The following BBS1 variants were observed in gnomAD, a reference collection of about 807,000 sequenced individuals.
The protein encoded by BBS1 is Bardet-Biedl syndrome 1, also known as BBSome complex member BBS1.
In BBS1, 60 loss-of-function variants were observed where a neutral mutation model predicts 73.9. That is an observed-to-expected ratio of 0.81 (90% confidence interval 0.66 to 1.01). BBS1 has a LOEUF of 1.01. Ranked by LOEUF, BBS1 falls within the 50% of genes least tolerant of loss-of-function variation. The pLI is 0.00. For missense variants in BBS1, 718 were observed against 770.3 expected (o/e 0.93, Z 0.80); for synonymous variants, 283 against 317.4 (o/e 0.89, Z 1.15).
chr11:66,523,007 G>C (rs982959072), intron 9 of BBS1: 4 of 385,422 alleles, frequency 1.0e-5, no homozygotes, highest in African/African-American at 6.3e-5. Flanking sequence ...GGAACTAACT[G>C]TACTTTCTGG....
chr11:66,529,009 T>G (rs2134825838), intron 13 of BBS1: 1 of 885,576 alleles, frequency 1.1e-6, no homozygotes, highest in African/African-American at 1.8e-5. Flanking sequence ...TCAGACCTTT[T>G]CTTCATACCA....
chr11:66,524,939 G>A (rs1488387437), intron 11 of BBS1, among the ~76,000 whole-genome samples: 3 of 152,052 alleles, frequency 2.0e-5, no homozygotes, highest in Admixed American at 6.6e-5. Context: ...GGTGGCTCAC[G>A]TCTGTAATCC....
rs1228689951 is a variant in BBS1 at position 66,530,937 on chromosome 11, A to G, written c.1517A>G (p.Gln506Arg). Residue 506 changes from glutamine (Q) to arginine (R), a missense_variant, in exon 15 of 17, where the codon CAG becomes CGG. Gln to Arg is a conservative substitution (Grantham distance 43). Transcript: ENST00000318312. ...ACCTTTAAGCTCACACTTCACCTGC[A>G]GAACACCTCAACAACCCGTCCTGTC... ...GPTFKLTLHL[Q>R]NTSTTRPVLG... The G allele has an allele frequency of 6.2e-7, 1 of 1,614,220 alleles. No individual in the cohort carries two copies. The highest frequency in any genetic ancestry group is 2.2e-5 in the East Asian group (1 of 44,876).
At chr11:66,530,315 C>T (rs987790918) in intron 14 of BBS1, among the ~76,000 whole-genome samples, 3 of 152,148 alleles carry the variant, frequency 2.0e-5, no homozygotes, top group South Asian at 2.1e-4. Context: ...GGCAGCCCAA[C>T]GTGTTAGGAC....
At chr11:66,510,871 C>G (rs931729985) in intron 1 of BBS1, 142 bp from the exon 2 acceptor site, 10 of 1,367,114 alleles carry the variant, frequency 7.3e-6, no homozygotes, top group Non-Finnish European at 9.4e-6. Flanking sequence ...CTGGAGGTCG[C>G]TCGGTGAGCC....
chr11:66,522,081 G>C (rs1590763870), intron 9 of BBS1, among the ~76,000 whole-genome samples: 2 of 151,072 alleles, frequency 1.3e-5, no homozygotes, highest in South Asian at 4.2e-4. Flanking sequence ...GCTGGGCATG[G>C]TGGTGGGCGC....
chr11:66,513,886 G>C (rs376821853), intron 3 of BBS1, among the ~76,000 whole-genome samples: 3 of 152,262 alleles, frequency 2.0e-5, no homozygotes, highest in African/African-American at 7.2e-5. Context: ...AAATGGGCTT[G>C]TGTGGCAGCT....
In BBS1 at chr11:66,510,665, C is replaced by A. The variant is rs143592479; in HGVS notation, c.6C>A (p.Ala2=). 9 of 1,614,164 alleles carry A rather than the reference C, an allele frequency of 5.6e-6. No individual in the cohort carries two copies. The highest frequency in any genetic ancestry group is 1.7e-4 in the Middle Eastern group (1 of 6,058). M[A]AASSSDSDAC... ...CCAGGACGACGCCTGCGAAGATGGC[C>A]GCTGCGTCCTCATCGGATTCCGACG... The change falls in exon 1 of 17, where the codon GCC becomes GCA. Residue 2 remains alanine, a synonymous_variant. Coordinates refer to ENST00000318312, the MANE Select transcript of BBS1 (RefSeq NM_024649.5).
At chr11:66,511,548 AG>A (rs1211633567) in intron 3 of BBS1, among the ~76,000 whole-genome samples, 1 of 152,068 alleles carries the variant, frequency 6.6e-6, no homozygotes, top group Non-Finnish European at 1.5e-5. Context: ...TAGAATCTGG[AG>A]GGAAAGTAAA....
chr11:66,510,867 G>T, intron 1 of BBS1, 146 bp from the exon 2 acceptor site: 1 of 1,359,810 alleles, frequency 7.4e-7, no homozygotes, highest in Non-Finnish European at 1.1e-6. Flanking sequence ...GTGTCTGGAG[G>T]TCGCTCGGTG....
rs1855917352 is a variant in BBS1, at chr11:66,510,635, G to C, written c.-25G>C. 2 of 1,613,910 alleles carry C rather than the reference G, an allele frequency of 1.2e-6. No individual in the cohort carries two copies. The highest frequency in any genetic ancestry group is 1.7e-6 in the Non-Finnish European group (2 of 1,179,994). Reference sequence around the variant, plus strand: ...TTGGGCGTTACGCGAGGGCGGGGCCGGTTGCCAGGACGACGCCTGCGAAGA... The same window carrying C: ...TTGGGCGTTACGCGAGGGCGGGGCCCGTTGCCAGGACGACGCCTGCGAAGA... On this transcript the variant is annotated 5_prime_UTR_variant, in exon 1 of 17. Coordinates refer to ENST00000318312, the MANE Select transcript of BBS1 (RefSeq NM_024649.5).
Position 66,530,886 on chromosome 11 carries a change from C to T in BBS1, c.1474-8C>T, listed in dbSNP as rs398124402. ...CCTAAGGGCTTTCTCCACCCACCCT[C>T]TCCATAGGTTCAGGGCCTTGGCCCC... On this transcript the variant is annotated splice_region_variant and splice_polypyrimidine_tract_variant and intron_variant, in intron 14 of 16. Transcript: ENST00000318312. 36 of 1,614,118 alleles carry T rather than the reference C, an allele frequency of 2.2e-5. No homozygotes were observed. The Admixed American group carries it at 5.0e-4, about 22-fold the overall frequency.
chr11:66,524,036 T>G, intron 11 of BBS1, 154 bp downstream of exon 11: 3 of 1,146,990 alleles, frequency 2.6e-6, no homozygotes, highest in Non-Finnish European at 3.8e-6. Flanking sequence ...TCCCAGCACT[T>G]TGGGAGGCCA....
chr11:66,516,056 C>T (rs1351794203), intron 7 of BBS1, 123 bp downstream of exon 7: 1 of 920,804 alleles, frequency 1.1e-6, no homozygotes, highest in South Asian at 1.4e-5. Flanking sequence ...ATATCCCTTC[C>T]AGCCATGCCA....
intron 14 of BBS1, 62 bp from the exon 15 acceptor site, chr11:66,530,832 A>C (rs2134836156): frequency 6.2e-7 from 1 of 1,609,462 alleles, no homozygotes; most frequent in Non-Finnish European, 8.5e-7. Flanking sequence ...GGCAGAGCAC[A>C]CTGTACTCCG....
rs778225393 is a variant in BBS1 at position 66,530,928 on chromosome 11, T to A, written c.1508T>A (p.Leu503His). The change falls in exon 15 of 17, where the codon CTT becomes CAT. Residue 503 changes from leucine to histidine, a missense_variant. By Grantham distance (99) the Leu-to-His change is moderately conservative. Coordinates refer to ENST00000318312, the MANE Select transcript of BBS1 (RefSeq NM_024649.5). ...CTTGGCCCCACCTTTAAGCTCACAC[T>A]TCACCTGCAGAACACCTCAACAACC... The part of the protein sequence containing the change: ...QGLGPTFKLT[L>H]HLQNTSTTRP... 14 of 1,614,170 alleles carry A rather than the reference T, an allele frequency of 8.7e-6. No homozygotes were observed. Among genetic ancestry groups the A allele is most frequent in the Non-Finnish European group, 1.2e-5 (14 of 1,180,024 alleles).
At chr11:66,529,782 C>T (rs371205830) in intron 13 of BBS1, 37 bp from the exon 14 acceptor site, 7 of 1,607,724 alleles carry the variant, frequency 4.4e-6, no homozygotes, top group East Asian at 2.2e-5. Flanking sequence ...TGCCACCCCC[C>T]ACCTCCACCG....
intron 9 of BBS1, chr11:66,523,241 CAA>C (rs1856319627): frequency 3.0e-5 from 21 of 691,606 alleles, no homozygotes; most frequent in Non-Finnish European, 4.7e-5. Flanking sequence ...GGGAGGAAGA[CAA>C]GACACCATAG....
chr11:66,517,172 C>T (rs533205460), intron 7 of BBS1, among the ~76,000 whole-genome samples: 1 of 149,716 alleles, frequency 6.7e-6, no homozygotes, highest in African/African-American at 2.5e-5. Context: ...GCACTCCAGC[C>T]TTGGTGACAG....
Sources: gnomAD v4.1 joint callset for allele counts (sites outside exome capture counted in the v4.1 genomes callset) on GRCh38, gnomAD v4.1.1 for gene constraint, MANE v1.5 for transcripts, NCBI Gene and HGNC (gene_info 2026-07-23, HGNC 2026-07-21) for gene names.